NLN: variants seen among roughly 807,000 people sequenced by gnomAD.
NLN encodes neurolysin, mitochondrial.
NLN carries 64 observed loss-of-function variants against 79.9 expected under a neutral mutation model. That is an observed-to-expected ratio of 0.80 (90% CI 0.65 to 0.99). NLN has a LOEUF of 0.99. Among genes scored for constraint, NLN ranks in the 50% least tolerant of loss-of-function variants. The probability of loss-of-function intolerance (pLI) is 0.00; values close to 1 mark genes in which losing one functional copy is unlikely to be tolerated. For synonymous variants in NLN, 267 were observed against 296.6 expected, an observed-to-expected ratio of 0.90 and a Z score of 1.02; for missense variants, 835 against 858.7, an observed-to-expected ratio of 0.97 and a Z score of 0.34.
Position 65,746,594 on chromosome 5 carries a change from A to C in NLN, c.42-11973A>C, listed in dbSNP as rs1579918664. Among the ~76,000 whole-genome samples the C allele has an allele frequency of 3.9e-5, 6 of 152,308 alleles. No homozygotes were observed. The South Asian group carries it at 1.2e-3, about 32-fold the overall frequency. On this transcript the variant is annotated intron_variant, in intron 1 of 12. Transcript: ENST00000380985. ...TGAGGATGAAGGGAAAGGAAGAAAT[A>C]GTGGTGTCTAGTGGGGGACCCAGGA...
rs543185117 is a variant in NLN, at chr5:65,785,927, T to A, written c.958+17T>A. The A allele has an allele frequency of 6.2e-6, 10 of 1,609,416 alleles. No homozygotes were observed. Among genetic ancestry groups the A allele is most frequent in the Non-Finnish European group, 8.5e-6 (10 of 1,178,362 alleles). On this transcript the variant is annotated intron_variant, in intron 7 of 12. Transcript: ENST00000380985. ...CCTTTCTAGGTTAGTTCTTTTTTTT[T>A]TTTCTATGACTGTTTTGCTATACCA...
At chr5:65,743,342 A>G (rs1006545956) in intron 1 of NLN, among the ~76,000 whole-genome samples, 16 of 152,244 alleles carry the variant, frequency 1.1e-4, no homozygotes, top group African/African-American at 3.9e-4. Context: ...ATTTATTTTT[A>G]AACTTCTTAA....
rs568498438 is a variant in NLN at position 65,804,923 on chromosome 5, A to C, written c.1528-4592A>C. On this transcript the variant is annotated intron_variant, in intron 9 of 12. Coordinates refer to ENST00000380985, the MANE Select transcript of NLN (RefSeq NM_020726.5). ...GAGACAGGGTCTTGCCATGTTGCCC[A>C]GGCAAGTCTGTCAGTGCAATTTTTC... 3.9e-5 allele frequency among the ~76,000 whole-genome samples: 6 copies of C among 152,324 alleles called. No homozygotes were observed. The East Asian group carries it at 1.2e-3, about 29-fold the overall frequency.
At chr5:65,809,747 A>C (rs1326631384) in intron 10 of NLN, 46 bp downstream of exon 10, 1 of 1,404,106 alleles carries the variant, frequency 7.1e-7, no homozygotes, top group Non-Finnish European at 9.7e-7. Context: ...GAATCTCTTA[A>C]TGTAGAATTG....
intron 12 of NLN, chr5:65,818,890 G>C (rs1414691477): frequency 6.6e-6 from 1 of 152,206 alleles, no homozygotes; most frequent in East Asian, 1.9e-4. Context: ...GCCTGCATGT[G>C]CTGCTGCAGA....
chr5:65,744,194 C>T lies in NLN; in HGVS notation c.42-14373C>T, dbSNP rs1001629228. ...GTAGCTGGGACTATAGATGAGGTCT[C>T]ACCACGTTGCCTAGGCTGGTCTTGA... On this transcript the variant is annotated intron_variant, in intron 1 of 12. Transcript: ENST00000380985. Among the ~76,000 whole-genome samples, 4 of 152,268 alleles carry T rather than the reference C, an allele frequency of 2.6e-5. No individual in the cohort carries two copies. The East Asian group carries it at 5.8e-4, about 22-fold the overall frequency.
chr5:65,789,517 C>G (rs1760009417), intron 8 of NLN, among the ~76,000 whole-genome samples: 1 of 152,156 alleles, frequency 6.6e-6, no homozygotes, highest in African/African-American at 2.4e-5. Flanking sequence ...TGGCTCACAC[C>G]TGTAATCCCA....
At chr5:65,787,983 T>G in intron 7 of NLN, 135 bp from the exon 8 acceptor site, 1 of 830,640 alleles carries the variant, frequency 1.2e-6, no homozygotes, top group South Asian at 1.8e-5. Flanking sequence ...TTCCTCCTCC[T>G]TTACCTCTTT....
intron 9 of NLN, among the ~76,000 whole-genome samples, chr5:65,803,496 G>C (rs1398473320): frequency 6.6e-6 from 1 of 152,214 alleles, no homozygotes; most frequent in East Asian, 1.9e-4. Flanking sequence ...GATCAGAGCA[G>C]GTGCCGCTAA....
intron 9 of NLN, among the ~76,000 whole-genome samples, chr5:65,804,705 G>A (rs1159618381): frequency 6.6e-6 from 1 of 151,756 alleles, no homozygotes; most frequent in Non-Finnish European, 1.5e-5. Flanking sequence ...ATTTTTTTTT[G>A]TATTTTTAGT....
At chr5:65,792,025 G>A (rs1289771651) in intron 8 of NLN, among the ~76,000 whole-genome samples, 4 of 152,122 alleles carry the variant, frequency 2.6e-5, no homozygotes, top group African/African-American at 9.7e-5. Context: ...AAACCTTATC[G>A]TCAGAAATTC....
chr5:65,743,109 A>T (rs1403270547), intron 1 of NLN, among the ~76,000 whole-genome samples: 2 of 152,338 alleles, frequency 1.3e-5, no homozygotes, highest in Non-Finnish European at 2.9e-5. Context: ...ACAAGGAAAA[A>T]TGTCTTCAAT....
At chr5:65,818,147 T>C (rs1411537562) in intron 12 of NLN, among the ~76,000 whole-genome samples, 2 of 152,214 alleles carry the variant, frequency 1.3e-5, no homozygotes, top group African/African-American at 4.8e-5. Context: ...CTGGAAGCAG[T>C]TCATCTTCCT....
intron 1 of NLN, among the ~76,000 whole-genome samples, chr5:65,741,749 C>T (rs1758873510): frequency 6.6e-6 from 1 of 152,196 alleles, no homozygotes; most frequent in African/African-American, 2.4e-5. Flanking sequence ...AATCAAGGAA[C>T]ACTTTATTTC....
At chr5:65,745,603 G>T (rs899244883) in intron 1 of NLN, among the ~76,000 whole-genome samples, 2 of 152,188 alleles carry the variant, frequency 1.3e-5, no homozygotes, top group African/African-American at 4.8e-5. Context: ...GTAGTGTCTT[G>T]CAAAGGCCTG....
chr5:65,798,455 T>C (rs921246210), intron 9 of NLN, among the ~76,000 whole-genome samples: 1 of 152,238 alleles, frequency 6.6e-6, no homozygotes, highest in Non-Finnish European at 1.5e-5. Context: ...ACTCTAATAA[T>C]GTAGAATGAA....
At chr5:65,777,606 C>A in intron 4 of NLN, 72 bp downstream of exon 4, 1 of 1,016,804 alleles carries the variant, frequency 9.8e-7, no homozygotes. Flanking sequence ...GTTGAACATC[C>A]CTAATCCAGA....
intron 1 of NLN, among the ~76,000 whole-genome samples, chr5:65,729,262 T>C (rs942787231): frequency 6.6e-6 from 1 of 151,776 alleles, no homozygotes; most frequent in Admixed American, 6.6e-5. Context: ...GAGAACAGTA[T>C]TGGGGAAAAA....
At chr5:65,778,876 G>A (rs1759735492) in intron 4 of NLN, among the ~76,000 whole-genome samples, 1 of 152,164 alleles carries the variant, frequency 6.6e-6, no homozygotes, top group Non-Finnish European at 1.5e-5. Context: ...TAATGGCCCA[G>A]AGTGGATCCT....
Sources: allele counts gnomAD v4.1 joint callset (sites outside exome capture counted in the v4.1 genomes callset), GRCh38; gene constraint gnomAD v4.1.1; transcripts MANE v1.5; gene names NCBI Gene and HGNC (gene_info 2026-07-23, HGNC 2026-07-21).